The following HIGD1C variants were observed in gnomAD, a reference collection of about 807,000 sequenced individuals.
HIGD1C encodes HIG1 domain family member 1C.
HIGD1C carries 11 observed loss-of-function variants against 13.1 expected under a neutral mutation model. That is an observed-to-expected ratio of 0.84 (90% CI 0.53 to 1.39). The LOEUF (loss-of-function observed/expected upper bound fraction) is 1.39. Ranked by LOEUF, HIGD1C falls within the 40% of genes most tolerant of loss-of-function variation. The pLI is 0.00. For missense variants in HIGD1C, 110 were observed against 112.0 expected, an observed-to-expected ratio of 0.98 and a Z score of 0.08; for synonymous variants, 36 against 37.7, an observed-to-expected ratio of 0.95 and a Z score of 0.17.
At chr12:50,958,807 A>G (rs1450089457) in intron 1 of HIGD1C, among the ~76,000 whole-genome samples, 3 of 151,540 alleles carry the variant, frequency 2.0e-5, no homozygotes, top group Non-Finnish European at 4.4e-5. Flanking sequence ...ACTTGGGGCC[A>G]GGAGTTCAAA....
exon 1 of HIGD1C, chr12:50,953,966 C>A: frequency 8.0e-7 from 1 of 1,247,790 alleles, no homozygotes; most frequent in Non-Finnish European, 1.2e-6. Context: ...TCACGGCAAC[C>A]ACATTTATAT....
At chr12:50,951,023 C>G (rs1409907992), upstream of HIGD1C, among the ~76,000 whole-genome samples, 1 of 151,918 alleles carries the variant, frequency 6.6e-6, no homozygotes, top group Non-Finnish European at 1.5e-5. Context: ...GAAAAACCAC[C>G]ATTTAGCAAA....
chr12:50,961,599 A>G (rs1939332789), intron 2 of HIGD1C, among the ~76,000 whole-genome samples: 1 of 152,240 alleles, frequency 6.6e-6, no homozygotes, highest in Non-Finnish European at 1.5e-5. Context: ...TAGTCCATAA[A>G]TTAAGCAAGA....
intron 1 of HIGD1C, among the ~76,000 whole-genome samples, chr12:50,958,302 G>C (rs77094434): frequency 8.5e-6 from 1 of 118,062 alleles, no homozygotes; most frequent in African/African-American, 3.5e-5. Flanking sequence ...TTTTTTTTTA[G>C]ACGGAGTCTT....
At chr12:50,950,661 G>A (rs974374195), upstream of HIGD1C, among the ~76,000 whole-genome samples, 4 of 139,562 alleles carry the variant, frequency 2.9e-5, no homozygotes, top group Non-Finnish European at 4.6e-5. Context: ...GCACCATCAT[G>A]CCCAGCTAAT....
upstream of HIGD1C, among the ~76,000 whole-genome samples, chr12:50,951,580 G>A (rs1470907602): frequency 6.6e-6 from 1 of 152,016 alleles, no homozygotes; most frequent in Non-Finnish European, 1.5e-5. Context: ...GAGGGGACGG[G>A]AACACAGGAT....
chr12:50,938,785 C>A, the HIGD1C span, among the ~76,000 whole-genome samples: 5 of 152,164 alleles, frequency 3.3e-5, no homozygotes, highest in Non-Finnish European at 7.3e-5. Context: ...AATGACAAAC[C>A]ATTTGTGTGA....
upstream of HIGD1C, among the ~76,000 whole-genome samples, chr12:50,950,722 G>A (rs1938875715): frequency 7.0e-6 from 1 of 143,844 alleles, no homozygotes; most frequent in Non-Finnish European, 1.5e-5. Flanking sequence ...TGTCACCCAG[G>A]CTGGAGTGCA....
intron 2 of HIGD1C, among the ~76,000 whole-genome samples, chr12:50,964,146 G>A (rs74420443): frequency 9.4e-6 from 1 of 105,984 alleles, no homozygotes; most frequent in East Asian, 2.4e-4. Context: ...GTGGGGAATA[G>A]AAAAAAATTG....
the HIGD1C span, among the ~76,000 whole-genome samples, chr12:50,940,244 C>T: frequency 1.3e-5 from 2 of 152,088 alleles, no homozygotes; most frequent in Non-Finnish European, 2.9e-5. Flanking sequence ...ATCTTGGCTC[C>T]CATCTTATCT....
downstream of HIGD1C, among the ~76,000 whole-genome samples, chr12:50,971,600 C>T (rs1939763073): frequency 6.6e-6 from 1 of 152,186 alleles, no homozygotes; most frequent in African/African-American, 2.4e-5. Context: ...TTGGACTCCG[C>T]TCTAACTGCC....
chr12:50,957,594 CAT>C (rs1939146347), intron 1 of HIGD1C, among the ~76,000 whole-genome samples: 1 of 151,256 alleles, frequency 6.6e-6, no homozygotes, highest in South Asian at 2.1e-4. Flanking sequence ...AAACTAAAAA[CAT>C]AATACCAACC....
At position 50,959,908 on chromosome 12, in the gene HIGD1C, C is replaced by G. The variant is rs565096433; in HGVS notation, c.95-1060C>G. 8.2e-4 allele frequency among the ~76,000 whole-genome samples: 125 copies of G among 152,338 alleles called. No homozygotes were observed. The Middle Eastern group carries it at 0.017, about 21-fold the overall frequency. ...CAAGTGATCCACCCGCCTCAACCTC[C>G]CAAAGTGCTGGGATTACAGGCATGA... On this transcript the variant is annotated intron_variant, in intron 1 of 2. Transcript: ENST00000398455.
upstream of HIGD1C, among the ~76,000 whole-genome samples, chr12:50,952,098 T>G (rs1938919795): frequency 6.8e-6 from 1 of 147,204 alleles, no homozygotes; most frequent in Non-Finnish European, 1.5e-5. Context: ...AGGACATAAT[T>G]GGGACAACTG....
the HIGD1C span, among the ~76,000 whole-genome samples, chr12:50,938,631 C>T: frequency 9.8e-5 from 15 of 152,316 alleles, no homozygotes; most frequent in South Asian, 1.7e-3. Context: ...TTGTAGCAGC[C>T]GCTCCAGATG....
chr12:50,959,382 A>G (rs1457402041), intron 1 of HIGD1C, among the ~76,000 whole-genome samples: 1 of 152,110 alleles, frequency 6.6e-6, no homozygotes, highest in Non-Finnish European at 1.5e-5. Flanking sequence ...GGCCTCCCAA[A>G]GTGCTGGGAT....
At chr12:50,959,656 T>G (rs951609853) in intron 1 of HIGD1C, among the ~76,000 whole-genome samples, 4 of 152,284 alleles carry the variant, frequency 2.6e-5, no homozygotes, top group Admixed American at 2.6e-4. Flanking sequence ...TTGTTTGTTT[T>G]TTGTTTTTTA....
At chr12:50,960,068 C>T (rs12304878) in intron 1 of HIGD1C, among the ~76,000 whole-genome samples, 27,875 of 152,150 alleles carry the variant, frequency 0.18, 2,924 homozygotes, top group East Asian at 0.5. Context: ...GCCAGTTACA[C>T]AGAATCTTGG....
At chr12:50,960,267 C>A (rs1939275567) in intron 1 of HIGD1C, among the ~76,000 whole-genome samples, 1 of 152,188 alleles carries the variant, frequency 6.6e-6, no homozygotes, top group Non-Finnish European at 1.5e-5. Flanking sequence ...TTTTCTCACT[C>A]TACTGGGTTT....
Sources: allele counts gnomAD v4.1 joint callset (sites outside exome capture counted in the v4.1 genomes callset), GRCh38; gene constraint gnomAD v4.1.1; transcripts MANE v1.5; gene names NCBI Gene and HGNC (gene_info 2026-07-23, HGNC 2026-07-21).